The following GOLGA5 variants were observed in gnomAD, a reference collection of about 807,000 sequenced individuals.
The protein encoded by GOLGA5 is golgin A5.
Under a neutral mutation model 93.5 loss-of-function variants are expected in GOLGA5, and 50 were observed. The ratio of observed to expected loss-of-function variants is 0.53; its 90% confidence interval spans 0.43 to 0.68. The LOEUF is 0.68. Among genes scored for constraint, GOLGA5 ranks in the 30% least tolerant of loss-of-function variants. GOLGA5 has a pLI of 0.00. For synonymous variants in GOLGA5, 312 were observed against 304.5 expected (o/e 1.02, Z -0.26); for missense variants, 760 against 856.4 (o/e 0.89, Z 1.40).
At chr14:92,838,475 C>G (rs1217400024) in intron 12 of GOLGA5, among the ~76,000 whole-genome samples, 1 of 152,106 alleles carries the variant, frequency 6.6e-6, no homozygotes, top group Non-Finnish European at 1.5e-5. Flanking sequence ...TCAAGCGATT[C>G]TCCTGCCTCA....
chr14:92,819,290 C>G (rs1367788729), intron 7 of GOLGA5, among the ~76,000 whole-genome samples: 1 of 152,146 alleles, frequency 6.6e-6, no homozygotes, highest in African/African-American at 2.4e-5. Flanking sequence ...TCCCTATAGG[C>G]TGAAACCATG....
chr14:92,806,688 A>G (rs1566953919), intron 2 of GOLGA5, 48 bp from the exon 3 acceptor site: 1 of 1,234,318 alleles, frequency 8.1e-7, no homozygotes, highest in African/African-American at 1.5e-5. Context: ...GTTAATGCAT[A>G]TGTGATGAAC....
chr14:92,798,299 G>T (rs1299342105), intron 2 of GOLGA5, among the ~76,000 whole-genome samples: 1 of 152,218 alleles, frequency 6.6e-6, no homozygotes, highest in East Asian at 1.9e-4. Flanking sequence ...AAACATGTCA[G>T]TTTGGATCGG....
chr14:92,816,539 T>C, intron 7 of GOLGA5, 118 bp downstream of exon 7: 1 of 714,944 alleles, frequency 1.4e-6, no homozygotes, highest in Non-Finnish European at 2.3e-6. Flanking sequence ...TTCGCTTCGC[T>C]TCGCTTCTCT....
Position 92,818,647 on chromosome 14 carries a change from C to A in GOLGA5, c.1492-1061C>A, listed in dbSNP as rs763038798. 2.0e-5 allele frequency among the ~76,000 whole-genome samples: 3 copies of A among 152,312 alleles called. No homozygotes were observed. The South Asian group carries it at 6.2e-4, about 32-fold the overall frequency. On this transcript the variant is annotated intron_variant, in intron 7 of 12. Transcript: ENST00000163416. ...AGTTGTGTGAGTTCAGAGGATTGCA[C>A]TGTGATTATCTGGGCATCTTGTTAG... is the stretch of plus-strand genomic sequence containing the variant.
chr14:92,813,404 G>T (rs927294), intron 6 of GOLGA5, among the ~76,000 whole-genome samples: 112,183 of 152,076 alleles, frequency 0.74, 41,822 homozygotes, highest in East Asian at 0.85. Context: ...CTTAAAACTT[G>T]CCTGAGGCTG....
At chr14:92,810,472 C>T in intron 5 of GOLGA5, 95 bp downstream of exon 5, 1 of 862,950 alleles carries the variant, frequency 1.2e-6, no homozygotes, top group Middle Eastern at 2.4e-4. Context: ...TAATATAATT[C>T]TGCAATGCAT....
intron 2 of GOLGA5, among the ~76,000 whole-genome samples, chr14:92,799,123 G>A (rs900159480): frequency 6.6e-6 from 1 of 151,764 alleles, no homozygotes; most frequent in Non-Finnish European, 1.5e-5. Context: ...GCACACCACT[G>A]TGCCCAGCTA....
intron 8 of GOLGA5, among the ~76,000 whole-genome samples, chr14:92,822,777 C>T (rs1885341869): frequency 6.6e-6 from 1 of 152,166 alleles, no homozygotes; most frequent in Non-Finnish European, 1.5e-5. Flanking sequence ...CTGCCTCAGC[C>T]TCCCGAGTAG....
intron 6 of GOLGA5, among the ~76,000 whole-genome samples, chr14:92,812,504 T>C (rs930124401): frequency 6.6e-6 from 1 of 152,228 alleles, no homozygotes; most frequent in African/African-American, 2.4e-5. Flanking sequence ...TTCCTTTCTT[T>C]CAGTGTCATG....
chr14:92,834,974 G>GA (rs1885609424), intron 10 of GOLGA5, among the ~76,000 whole-genome samples: 1 of 152,214 alleles, frequency 6.6e-6, no homozygotes. Context: ...TGGCAGATGA[G>GA]ATACGGAGTT....
chr14:92,796,363 T>A (rs1221910354), intron 1 of GOLGA5, among the ~76,000 whole-genome samples: 1 of 152,210 alleles, frequency 6.6e-6, no homozygotes, highest in Non-Finnish European at 1.5e-5. Context: ...TTATTTTCTC[T>A]CAGTTCTGAA....
At chr14:92,800,431 G>T (rs903367742) in intron 2 of GOLGA5, among the ~76,000 whole-genome samples, 1 of 152,202 alleles carries the variant, frequency 6.6e-6, no homozygotes, top group Admixed American at 6.5e-5. Flanking sequence ...AGAAAACATT[G>T]TAACAAAGTT....
intron 1 of GOLGA5, among the ~76,000 whole-genome samples, chr14:92,794,671 C>A (rs1303317372): frequency 3.3e-5 from 5 of 152,228 alleles, no homozygotes; most frequent in Non-Finnish European, 7.3e-5. Flanking sequence ...TTTCTCCTGA[C>A]CCCTGCCTGG....
At chr14:92,810,640 CATT>C in intron 5 of GOLGA5, 1 of 217,624 alleles carries the variant, frequency 4.6e-6, no homozygotes, top group East Asian at 9.2e-5. Context: ...CAATCATTGT[CATT>C]ATTTGATTAA....
chr14:92,837,353 T>C, intron 11 of GOLGA5, 33 bp from the exon 12 acceptor site: 1 of 1,097,768 alleles, frequency 9.1e-7, no homozygotes, highest in Non-Finnish European at 1.4e-6. Context: ...GACTCTTCTC[T>C]CTCCTCTCCC....
chr14:92,818,158 A>G, intron 7 of GOLGA5, among the ~76,000 whole-genome samples: 1 of 152,196 alleles, frequency 6.6e-6, no homozygotes, highest in South Asian at 2.1e-4. Context: ...TATCAGCATC[A>G]TTAATGACAT....
intron 8 of GOLGA5, among the ~76,000 whole-genome samples, chr14:92,823,567 A>C (rs1386149673): frequency 1.3e-5 from 2 of 151,524 alleles, no homozygotes; most frequent in Non-Finnish European, 2.9e-5. Flanking sequence ...GGCACGCACC[A>C]CCGAGCCTGG....
intron 2 of GOLGA5, among the ~76,000 whole-genome samples, chr14:92,801,206 T>C (rs11844924): frequency 3.2e-3 from 485 of 152,364 alleles, no homozygotes; most frequent in Middle Eastern, 0.014. Flanking sequence ...GGTTTAACAA[T>C]GTTCAGCTAC....
Sources: gnomAD v4.1 joint callset for allele counts (sites outside exome capture counted in the v4.1 genomes callset) on GRCh38, gnomAD v4.1.1 for gene constraint, MANE v1.5 for transcripts, NCBI Gene and HGNC (gene_info 2026-07-23, HGNC 2026-07-21) for gene names.